The following SHMT2 variants were observed in gnomAD, a reference collection of about 807,000 sequenced individuals.
SHMT2 encodes serine hydroxymethyltransferase 2.
A neutral mutation model predicts 59.6 loss-of-function variants in SHMT2; 38 were observed. The ratio of observed to expected loss-of-function variants is 0.64; its 90% CI spans 0.49 to 0.84. The LOEUF is 0.84. SHMT2 is among the 40% of genes least tolerant of loss of function. SHMT2 has a pLI of 0.00. For missense variants in SHMT2, 533 were observed against 659.5 expected (o/e 0.81, Z 2.10); for synonymous variants, 254 against 258.1 (o/e 0.98, Z 0.15).
chr12:57,231,284 G>A, intron 2 of SHMT2, 197 bp from the exon 3 acceptor site: 1 of 635,504 alleles, frequency 1.6e-6, no homozygotes. Flanking sequence ...TGGGTAGGTG[G>A]CATTGAGGGG....
In SHMT2 at chr12:57,229,911, A is replaced by G. The variant is rs914529405; in HGVS notation, c.33+100A>G. 8 of 1,547,112 alleles carry G rather than the reference A, an allele frequency of 5.2e-6. No individual in the cohort carries two copies. The East Asian group carries it at 1.8e-4, about 35-fold the overall frequency. On this transcript the variant is annotated intron_variant, in intron 1 of 11. Transcript: ENST00000328923. ...ACTCTGGGGTTCTCTTGGCTTTTCC[A>G]TGCACGTGGATTGGGGCCTCAGGGA...
chr12:57,230,250 G>A (rs1265404950), intron 1 of SHMT2: 3 of 1,212,592 alleles, frequency 2.5e-6, no homozygotes, highest in Non-Finnish European at 3.1e-6. Flanking sequence ...AACGGGTAGG[G>A]GGCTAAGTAA....
At chr12:57,232,371 C>CGT in intron 5 of SHMT2, 79 bp downstream of exon 5, 1 of 1,613,590 alleles carries the variant, frequency 6.2e-7, no homozygotes. Context: ...GCCTGGAGCG[C>CGT]CGGGCCGTCC....
rs2037368275 is a variant in SHMT2 at position 57,232,549 on chromosome 12, C to T, written c.691C>T (p.Leu231Phe). The change falls in exon 6 of 12, where the codon CTC (leucine) becomes TTC (phenylalanine). Residue 231 changes from leucine to phenylalanine, a missense_variant. Transcript: ENST00000328923. The part of the protein sequence containing the change: ...IIAGTSAYAR[L>F]IDYARMREVC... ...AGCTGGCACCAGCGCCTATGCTCGC[C>T]TCATTGACTACGCCCGCATGAGAGA... is the stretch of plus-strand genomic sequence containing the variant. 5 of 1,614,118 alleles carry T rather than the reference C, an allele frequency of 3.1e-6. No homozygotes were observed. In the East Asian group the frequency reaches 8.9e-5, roughly 29 times the overall value.
intron 4 of SHMT2, 34 bp downstream of exon 4, chr12:57,231,947 G>A (rs368574420): frequency 1.5e-5 from 23 of 1,574,940 alleles, no homozygotes; most frequent in South Asian, 4.6e-5. Context: ...TGGTCTTGGC[G>A]GCAGGATTGG....
At position 57,232,762 on chromosome 12, in the gene SHMT2, T is replaced by C; in HGVS notation, c.776T>C (p.Val259Ala). ...LADMAHISGL[V>A]AAKVIPSPFK... The stretch of plus-strand genomic sequence containing the variant: ...GACATGGCCCACATCAGTGGCCTGG[T>C]GGCTGCCAAGGTGATTCCCTCGCCT... Residue 259 changes from valine to alanine, a missense_variant, in exon 7 of 12, where the codon GTG becomes GCG. Coordinates refer to ENST00000328923, the MANE Select transcript of SHMT2 (RefSeq NM_005412.6). 6.2e-7 allele frequency: 1 copy of C among 1,613,536 alleles called. No individual in the cohort carries two copies. Among genetic ancestry groups the C allele is most frequent in the Non-Finnish European group, 8.5e-7 (1 of 1,179,516 alleles).
At position 57,231,534 on chromosome 12, in the gene SHMT2, G is replaced by A. The variant is rs749992234; in HGVS notation, c.285G>A (p.Lys95=). Residue 95 remains lysine, a synonymous_variant, in exon 3 of 12, where the codon AAG becomes AAA. Transcript: ENST00000328923. ...LEALGSCLNN[K]YSEGYPGKRY... ...CCCTGGGGTCCTGTCTGAACAACAA[G>A]TACTCGGAGGGTTATCCTGGCAAGA... The A allele has an allele frequency of 6.2e-7, 1 of 1,614,236 alleles. No individual in the cohort carries two copies. The highest frequency in any genetic ancestry group is 1.3e-5 in the African/African-American group (1 of 75,070).
At position 57,233,653 on chromosome 12, in the gene SHMT2, C is replaced by A. The variant is rs773458577; in HGVS notation, c.1114C>A (p.Leu372Met). The change falls in exon 9 of 12, where the codon CTG becomes ATG. Residue 372 changes from leucine to methionine, a missense_variant. Physicochemically the swap from Leu to Met is conservative, Grantham distance 15. Transcript: ENST00000328923. ...TGCCCTGCTAGAGCGAGGCTACTCA[C>A]TGGTATCAGGTAAGCCAGCAGGTGA... ...ADALLERGYS[L>M]VSGGTDNHLV... 6.2e-7 allele frequency: 1 copy of A among 1,614,018 alleles called. No homozygotes were observed. Among genetic ancestry groups the A allele is most frequent in the East Asian group, 2.2e-5 (1 of 44,894 alleles).
intron 5 of SHMT2, 46 bp from the exon 6 acceptor site, chr12:57,232,407 G>T (rs2037360290): frequency 1.2e-6 from 2 of 1,614,066 alleles, no homozygotes; most frequent in Non-Finnish European, 1.7e-6. Context: ...AGAGTGAGCT[G>T]CCCTGCTTCC....
At position 57,229,739 on chromosome 12, in the gene SHMT2, C is replaced by T. The variant is rs2037236212; in HGVS notation, c.-40C>T. 6.2e-7 allele frequency: 1 copy of T among 1,613,824 alleles called. No individual in the cohort carries two copies. Among genetic ancestry groups the T allele is most frequent in the Non-Finnish European group, 8.5e-7 (1 of 1,179,674 alleles). On this transcript the variant is annotated 5_prime_UTR_variant, in exon 1 of 12. Transcript: ENST00000328923. ...CTTCCGACAGCTTGCTGCCCTAGAC[C>T]AGAGTTGGTGGCTGGACCTCCTGCG...
chr12:57,233,797 T>C lies in SHMT2; in HGVS notation c.1172T>C (p.Leu391Pro). The change falls in exon 10 of 12, where the codon CTG becomes CCG. Residue 391 changes from leucine to proline, a missense_variant. Leu to Pro is a moderately conservative substitution (Grantham distance 98). Transcript: ENST00000328923. ...LVLVDLRPKG[L>P]DGARAERVLE... Reference sequence around the variant, plus strand: ...CTGGTGGACCTGCGGCCCAAGGGCCTGGATGGAGCTCGGGCTGAGCGGGTG... The same window carrying C: ...CTGGTGGACCTGCGGCCCAAGGGCCCGGATGGAGCTCGGGCTGAGCGGGTG... 4 of 1,614,230 alleles carry C rather than the reference T, an allele frequency of 2.5e-6. No individual in the cohort carries two copies. Among genetic ancestry groups the C allele is most frequent in the Non-Finnish European group, 3.4e-6 (4 of 1,180,034 alleles).
chr12:57,232,226 C>G lies in SHMT2; in HGVS notation c.528C>G (p.Tyr176Ter). 6.2e-7 allele frequency: 1 copy of G among 1,614,182 alleles called. No homozygotes were observed. The highest frequency in any genetic ancestry group is 8.5e-7 in the Non-Finnish European group (1 of 1,180,000). Residue 176 changes from tyrosine to a stop codon, truncating the protein, a stop_gained, in exon 5 of 12, where the codon TAC (tyrosine) becomes TAG (stop). Transcript: ENST00000328923. LOFTEE classifies it high-confidence loss of function. ...CACTTCGCAGTCTCACCCACGGCTA[C>G]ATGTCTGACGTCAAGCGGATATCAG... is the stretch of plus-strand genomic sequence containing the variant. ...LPDGGHLTHG[Y>*]MSDVKRISAT...
rs1025966420 is a variant in SHMT2, at chr12:57,232,779, C to T, written c.793C>T (p.Pro265Ser). 5.0e-6 allele frequency: 8 copies of T among 1,613,588 alleles called. No individual in the cohort carries two copies. The highest frequency in any genetic ancestry group is 1.7e-5 in the Admixed American group (1 of 59,998). ...TGGCCTGGTGGCTGCCAAGGTGATT[C>T]CCTCGCCTTTCAAGCACGCGGACAT... Reference protein sequence around the residue: ...ISGLVAAKVIPSPFKHADIVT... With the variant: ...ISGLVAAKVISSPFKHADIVT... Residue 265 changes from proline (P) to serine (S), a missense_variant, in exon 7 of 12, where the codon CCC becomes TCC. By Grantham distance (74) the Pro-to-Ser change is moderately conservative (BLOSUM62 -1). Coordinates refer to ENST00000328923, the MANE Select transcript of SHMT2 (RefSeq NM_005412.6).
At chr12:57,230,300 C>A in intron 1 of SHMT2, 1 of 1,156,132 alleles carries the variant, frequency 8.6e-7, no homozygotes, top group Non-Finnish European at 1.1e-6. Flanking sequence ...AGATCCCCAC[C>A]CCCACCACTC....
chr12:57,232,366 G>A, intron 5 of SHMT2, 74 bp downstream of exon 5: 1 of 1,613,298 alleles, frequency 6.2e-7, no homozygotes, highest in Non-Finnish European at 8.5e-7. Flanking sequence ...TGAGGGCCTG[G>A]AGCGCCGGGC....
At chr12:57,234,133 C>T (rs775256030) in intron 11 of SHMT2, 23 bp downstream of exon 11, 40 of 1,613,610 alleles carry the variant, frequency 2.5e-5, no homozygotes, top group Middle Eastern at 1.6e-4. Context: ...GAAGGAGCCC[C>T]GGGCCAGCCA....
At chr12:57,230,362 T>C (rs1316767149) in intron 1 of SHMT2, 1 of 1,141,760 alleles carries the variant, frequency 8.8e-7, no homozygotes, top group Non-Finnish European at 1.1e-6. Flanking sequence ...CCACCTGCAT[T>C]GCTCTACAAT....
rs775126244 is a variant in SHMT2, at chr12:57,234,241, C to G, written c.1395C>G (p.Leu465=). Residue 465 remains leucine, a synonymous_variant, in exon 12 of 12, where the codon CTC becomes CTG. Transcript: ENST00000328923. ...CTCACCCTCTCTCTCTAGCCAAGCT[C>G]CAGGATTTCAAATCCTTCCTGCTTA... The part of the protein sequence containing the change: ...GLEVKSKTAK[L]QDFKSFLLKD... 1.2e-6 allele frequency: 2 copies of G among 1,612,416 alleles called. No homozygotes were observed. Among genetic ancestry groups the G allele is most frequent in the Middle Eastern group, 1.7e-4 (1 of 6,056 alleles).
rs149049824 is a variant in SHMT2, at chr12:57,231,337, G to C, written c.232-144G>C. 2,988 of 843,180 alleles carry C rather than the reference G, an allele frequency of 3.5e-3. 11 individuals carry two copies. Among genetic ancestry groups the C allele is most frequent in the Admixed American group, 3.9e-3 (144 of 36,702 alleles). The allele number at this position is 843,180 out of a possible 1,614,324, so 52.2% of individuals were successfully genotyped here. On this transcript the variant is annotated intron_variant, in intron 2 of 11. Coordinates refer to ENST00000328923, the MANE Select transcript of SHMT2 (RefSeq NM_005412.6). ...TGGGTTTCTGAGAATGCTGCCTCTG[G>C]CTTTGCCCCAGGCCTGGTGCTGAGT...
Sources: allele counts gnomAD v4.1 joint callset, GRCh38; gene constraint gnomAD v4.1.1; transcripts MANE v1.5; gene names NCBI Gene and HGNC (gene_info 2026-07-23, HGNC 2026-07-21).